The following KCTD21 variants were observed in gnomAD, a reference collection of about 807,000 sequenced individuals.
KCTD21 encodes BTB/POZ domain-containing protein KCTD21.
In KCTD21, 9 loss-of-function variants were observed where a neutral mutation model predicts 13.2. The ratio of observed to expected loss-of-function variants is 0.68; its 90% CI spans 0.41 to 1.19. The LOEUF (loss-of-function observed/expected upper bound fraction) is 1.19, where lower values mean the gene tolerates loss of function less well. Ranked by LOEUF, KCTD21 falls within the 50% of genes most tolerant of loss-of-function variation. KCTD21 has a pLI of 0.01. For synonymous variants in KCTD21, 142 were observed against 137.4 expected (o/e 1.03, Z -0.23); for missense variants, 303 against 336.5 (o/e 0.90, Z 0.78).
chr11:78,181,648 TA>T (rs759611954), intron 1 of KCTD21, among the ~76,000 whole-genome samples: 1 of 152,134 alleles, frequency 6.6e-6, no homozygotes, highest in Non-Finnish European at 1.5e-5. Flanking sequence ...CATACACATC[TA>T]AAAGGGTGAA....
rs1336627300 is a variant in KCTD21 at position 78,171,606 on chromosome 11, C to G, written c.*2166G>C. 2 of 152,308 alleles carry G rather than the reference C, an allele frequency of 1.3e-5. No homozygotes were observed. The highest frequency in any genetic ancestry group is 1.9e-4 in the East Asian group (1 of 5,194). The allele number at this position is 152,308 out of a possible 1,614,324, so 9.4% of individuals were successfully genotyped here. ...AACTAGGTTCTCCATGAGGGGCTCT[C>G]CCAAGTACCCTTGGCCTGGGACAGC... On this transcript the variant is annotated 3_prime_UTR_variant, in exon 2 of 2. Coordinates refer to ENST00000340067, the MANE Select transcript of KCTD21 (RefSeq NM_001029859.3).
At chr11:78,182,078 G>A (rs1477836242) in intron 1 of KCTD21, among the ~76,000 whole-genome samples, 4 of 152,204 alleles carry the variant, frequency 2.6e-5, no homozygotes, top group African/African-American at 9.6e-5. Context: ...CAGGGGAGGG[G>A]TTGTGTGATA....
chr11:78,186,394 A>AC (rs1862769747), intron 1 of KCTD21, among the ~76,000 whole-genome samples: 1 of 122,952 alleles, frequency 8.1e-6, no homozygotes, highest in Non-Finnish European at 1.9e-5. Flanking sequence ...AAAAAAAAAA[A>AC]AAAAAAAAAA....
intron 1 of KCTD21, among the ~76,000 whole-genome samples, chr11:78,184,323 G>A (rs1304603787): frequency 2.0e-5 from 3 of 151,882 alleles, no homozygotes; most frequent in Non-Finnish European, 2.9e-5. Context: ...AATAGGTGGA[G>A]AAGCTCTATT....
intron 1 of KCTD21, among the ~76,000 whole-genome samples, chr11:78,178,304 A>G (rs1374748279): frequency 6.6e-6 from 1 of 151,540 alleles, no homozygotes; most frequent in Non-Finnish European, 1.5e-5. Flanking sequence ...TTATTTTTGT[A>G]TTTTTAGTAG....
intron 1 of KCTD21, chr11:78,188,100 C>G: frequency 1.0e-6 from 1 of 985,432 alleles, no homozygotes; most frequent in South Asian, 4.7e-5. Context: ...GCGGCCGGCC[C>G]AGGGCTCTCC....
chr11:78,186,618 G>T, intron 1 of KCTD21: 3 of 792,816 alleles, frequency 3.8e-6, no homozygotes, highest in Non-Finnish European at 4.6e-6. Context: ...ACCGTGCTAG[G>T]CACTCTATAC....
At chr11:78,182,304 C>T (rs1040655657) in intron 1 of KCTD21, among the ~76,000 whole-genome samples, 2 of 143,384 alleles carry the variant, frequency 1.4e-5, no homozygotes, top group East Asian at 2.0e-4. Flanking sequence ...AGCACCCCCC[C>T]CCCCTCAAAA....
At chr11:78,187,985 G>A in intron 1 of KCTD21, 3 of 985,444 alleles carry the variant, frequency 3.0e-6, no homozygotes, top group Non-Finnish European at 3.6e-6. Context: ...GGAGGTCAAT[G>A]AGATCACTGG....
At chr11:78,187,655 A>T (rs1862828585) in intron 1 of KCTD21, 2 of 985,354 alleles carry the variant, frequency 2.0e-6, no homozygotes, top group Non-Finnish European at 2.4e-6. Context: ...TCCTCCAAAC[A>T]GTAATTTATA....
At chr11:78,185,622 C>T (rs1015842844) in intron 1 of KCTD21, among the ~76,000 whole-genome samples, 6 of 151,828 alleles carry the variant, frequency 4.0e-5, no homozygotes, top group Non-Finnish European at 5.9e-5. Context: ...GATAGAGTCT[C>T]GCTCTGTCAC....
chr11:78,180,508 A>G (rs1862584894), intron 1 of KCTD21, among the ~76,000 whole-genome samples: 1 of 152,266 alleles, frequency 6.6e-6, no homozygotes, highest in Non-Finnish European at 1.5e-5. Flanking sequence ...TTAAACAAAA[A>G]CAAAAACAAA....
chr11:78,176,482 A>C (rs1484554394), intron 1 of KCTD21, among the ~76,000 whole-genome samples: 1 of 152,208 alleles, frequency 6.6e-6, no homozygotes, highest in Non-Finnish European at 1.5e-5. Flanking sequence ...AGGAGATCTC[A>C]GCTCCAGCTT....
intron 1 of KCTD21, among the ~76,000 whole-genome samples, chr11:78,184,329 C>CTATTTATTTATTTATT (rs532305114): frequency 6.6e-6 from 1 of 151,990 alleles, no homozygotes; most frequent in African/African-American, 2.4e-5. Flanking sequence ...TGGAGAAGCT[C>CTATTTATTTATTTATT]TATTTATTTA....
rs1378199594 is a variant in KCTD21 at position 78,173,594 on chromosome 11, G to C, written c.*178C>G. On this transcript the variant is annotated 3_prime_UTR_variant, in exon 2 of 2. Coordinates refer to ENST00000340067, the MANE Select transcript of KCTD21 (RefSeq NM_001029859.3). ...AAATGGCAAGAAAAAAGGTGGTTCTGTTCAGAGGACACTGGATTCCAAAAG... is the reference window on the plus strand; with the variant it reads ...AAATGGCAAGAAAAAAGGTGGTTCTCTTCAGAGGACACTGGATTCCAAAAG... The C allele has an allele frequency of 1.1e-4, 72 of 642,252 alleles. No individual in the cohort carries two copies. Among genetic ancestry groups the C allele is most frequent in the Non-Finnish European group, 2.7e-6 (1 of 368,286 alleles). The allele number at this position is 642,252 out of a possible 1,614,324, so 39.8% of individuals were successfully genotyped here. A position where few individuals can be genotyped will look rare whatever the true frequency, so the allele number is the denominator to read the frequency against.
chr11:78,175,582 T>C (rs1211314559), intron 1 of KCTD21, among the ~76,000 whole-genome samples: 2 of 152,176 alleles, frequency 1.3e-5, no homozygotes, highest in Non-Finnish European at 2.9e-5. Context: ...CCTCCTTCTG[T>C]ACCAGTGACA....
chr11:78,185,277 T>C (rs1455270398), intron 1 of KCTD21, among the ~76,000 whole-genome samples: 1 of 152,204 alleles, frequency 6.6e-6, no homozygotes, highest in African/African-American at 2.4e-5. Context: ...AGGGTTGTAC[T>C]TTAAGCTTTT....
At chr11:78,183,021 A>G (rs1434017810) in intron 1 of KCTD21, among the ~76,000 whole-genome samples, 3 of 152,154 alleles carry the variant, frequency 2.0e-5, no homozygotes, top group Non-Finnish European at 2.9e-5. Flanking sequence ...CTATCTATCA[A>G]TCACCTATCC....
intron 1 of KCTD21, among the ~76,000 whole-genome samples, chr11:78,186,370 TC>T: frequency 3.9e-5 from 1 of 25,774 alleles, no homozygotes; most frequent in East Asian, 1.4e-3. Context: ...AGACCCTGTC[TC>T]AAAAAAAAAA....
Sources: allele counts gnomAD v4.1 joint callset (sites outside exome capture counted in the v4.1 genomes callset), GRCh38; gene constraint gnomAD v4.1.1; transcripts MANE v1.5; gene names NCBI Gene and HGNC (gene_info 2026-07-23, HGNC 2026-07-21).